ANO4: variants seen among roughly 807,000 people sequenced by gnomAD.
ANO4 encodes anoctamin-4.
A neutral mutation model predicts 141.9 loss-of-function variants in ANO4; 69 were observed. That is an observed-to-expected ratio of 0.49 (90% CI 0.40 to 0.59). The LOEUF (loss-of-function observed/expected upper bound fraction) is 0.59. Among genes scored for constraint, ANO4 ranks in the 20% least tolerant of loss-of-function variants. ANO4 has a pLI of 0.00. For synonymous variants in ANO4, 350 were observed against 394.3 expected (o/e 0.89, Z 1.33); for missense variants, 894 against 1,162.2 (o/e 0.77, Z 3.36).
rs375871643 is a variant in ANO4, at chr12:100,847,632, T to C, written c.-141+52605T>C. 2.4e-3 allele frequency among the ~76,000 whole-genome samples: 362 copies of C among 152,166 alleles called. 2 individuals are homozygous for C. Among genetic ancestry groups the C allele is most frequent in the East Asian group, 0.018 (91 of 5,156 alleles). On this transcript the variant is annotated intron_variant, in intron 1 of 27. Coordinates refer to ENST00000392977, the MANE Select transcript of ANO4 (RefSeq NM_001286615.2). ...GACTACAGGTGCCCACCACCACGCC[T>C]GGCTAATTTTTTGTATTTTTAGTAG...
At chr12:101,115,037 A>G (rs573144053) in intron 24 of ANO4, among the ~76,000 whole-genome samples, 16 of 152,280 alleles carry the variant, frequency 1.1e-4, no homozygotes, top group African/African-American at 3.4e-4. Context: ...TGTTCATGTC[A>G]TCATTTTGGT....
At chr12:101,110,321 A>G (rs1183289707) in intron 22 of ANO4, 83 bp from the exon 23 acceptor site, 1 of 1,389,954 alleles carries the variant, frequency 7.2e-7, no homozygotes, top group Non-Finnish European at 9.5e-7. Flanking sequence ...ACTTAAGACA[A>G]TAACATATTC....
At chr12:100,978,740 T>G (rs1267579078) in intron 7 of ANO4, among the ~76,000 whole-genome samples, 3 of 152,204 alleles carry the variant, frequency 2.0e-5, no homozygotes, top group Non-Finnish European at 4.4e-5. Flanking sequence ...AATTCAGAGT[T>G]GAGGAGAATG....
At chr12:101,054,553 G>A (rs1365759683) in intron 14 of ANO4, among the ~76,000 whole-genome samples, 1 of 152,206 alleles carries the variant, frequency 6.6e-6, no homozygotes, top group Non-Finnish European at 1.5e-5. Context: ...AGGCTGGAGT[G>A]CAGTGGCACA....
At chr12:100,850,149 T>C (rs2037792054) in intron 1 of ANO4, among the ~76,000 whole-genome samples, 1 of 152,246 alleles carries the variant, frequency 6.6e-6, no homozygotes, top group Non-Finnish European at 1.5e-5. Context: ...AATAAAATAA[T>C]AAAATGTAAA....
intron 3 of ANO4, among the ~76,000 whole-genome samples, chr12:100,779,690 A>G (rs971981219): frequency 6.6e-6 from 1 of 152,126 alleles, no homozygotes; most frequent in African/African-American, 2.4e-5. Flanking sequence ...CTCCCCAAAC[A>G]TGCTAGCCTT....
chr12:101,033,434 A>C (rs980715715), intron 9 of ANO4, among the ~76,000 whole-genome samples: 4 of 151,944 alleles, frequency 2.6e-5, no homozygotes, highest in Admixed American at 2.0e-4. Context: ...GACCTGCACA[A>C]TGTGCACATG....
Position 101,124,222 on chromosome 12 carries a change from T to C in ANO4, c.2677-2657T>C, listed in dbSNP as rs567395069. ...TTTGCAGTTCTTTAATTATCAATAA[T>C]GTTGAGCTTTTTTTCATATGTTTGT... On this transcript the variant is annotated intron_variant, in intron 26 of 27. Transcript: ENST00000392977. 4.6e-4 allele frequency among the ~76,000 whole-genome samples: 70 copies of C among 152,336 alleles called. 1 individual carries two copies. The highest frequency in any genetic ancestry group is 3.4e-3 in the Middle Eastern group (1 of 294).
At chr12:100,746,686 A>G (rs1463710330) in intron 3 of ANO4, among the ~76,000 whole-genome samples, 1 of 152,116 alleles carries the variant, frequency 6.6e-6, no homozygotes, top group Admixed American at 6.5e-5. Context: ...CTACATGCAC[A>G]AGACGTGGTC....
intron 9 of ANO4, among the ~76,000 whole-genome samples, chr12:101,031,148 G>A (rs2046958692): frequency 6.6e-6 from 1 of 152,118 alleles, no homozygotes; most frequent in South Asian, 2.1e-4. Context: ...AGAATTTCAG[G>A]CCAATATTCC....
chr12:100,914,544 G>A (rs1393443), intron 2 of ANO4, among the ~76,000 whole-genome samples: 17,292 of 152,098 alleles, frequency 0.11, 1,277 homozygotes, highest in East Asian at 0.41. Context: ...TTTTTTGCAC[G>A]TATGAAGCAT....
intron 5 of ANO4, among the ~76,000 whole-genome samples, chr12:100,954,890 T>C (rs2043119855): frequency 2.0e-5 from 3 of 152,166 alleles, no homozygotes; most frequent in South Asian, 4.1e-4. Flanking sequence ...CAATATTTAA[T>C]TGGATAGTCA....
chr12:100,795,441 C>G (rs533899698), intron 1 of ANO4, among the ~76,000 whole-genome samples: 2 of 152,296 alleles, frequency 1.3e-5, no homozygotes, highest in South Asian at 4.1e-4. Context: ...GCAAACTCTT[C>G]CATCTTTGTG....
chr12:101,116,733 T>C lies in ANO4; in HGVS notation c.2505T>C (p.Phe835=), dbSNP rs764749444. Residue 835 remains phenylalanine, a synonymous_variant, in exon 25 of 28, where the codon TTT becomes TTC. Transcript: ENST00000392977. Reference sequence around the variant, plus strand: ...TGTCTGTATTTCGAATTTCTGACTTTGAGAACCGATCTGAGCCTGAATCTG... The same window carrying C: ...TGTCTGTATTTCGAATTTCTGACTTCGAGAACCGATCTGAGCCTGAATCTG... ...ASLSVFRISD[F]ENRSEPESDG... is the part of the protein sequence containing the mutation. 3.1e-6 allele frequency: 5 copies of C among 1,613,968 alleles called. No individual in the cohort carries two copies. Among genetic ancestry groups the C allele is most frequent in the Non-Finnish European group, 4.2e-6 (5 of 1,180,024 alleles).
At chr12:101,107,596 A>G (rs962070407) in intron 22 of ANO4, among the ~76,000 whole-genome samples, 1 of 152,194 alleles carries the variant, frequency 6.6e-6, no homozygotes, top group African/African-American at 2.4e-5. Context: ...TAGTGTGGCC[A>G]GAGTAGAGGA....
chr12:100,920,979 A>G (rs938518808), intron 2 of ANO4, among the ~76,000 whole-genome samples: 5 of 152,150 alleles, frequency 3.3e-5, no homozygotes, highest in Non-Finnish European at 7.4e-5. Context: ...ACAAAGGAGG[A>G]AACTAAAATT....
At position 101,005,344 on chromosome 12, in the gene ANO4, CAAAT is replaced by C. The variant is rs2045827145; in HGVS notation, c.735-14686_735-14683del. Reference sequence around the variant, plus strand: ...TTTATTCTGGCTCACTTTTGAATAGCAAATAAAACTAATCTCTAATAAATTTGAA... The same window carrying C: ...TTTATTCTGGCTCACTTTTGAATAGCAAAACTAATCTCTAATAAATTTGAA... On this transcript the variant is annotated intron_variant, in intron 8 of 27. Coordinates refer to ENST00000392977, the MANE Select transcript of ANO4 (RefSeq NM_001286615.2). 1.3e-5 allele frequency among the ~76,000 whole-genome samples: 2 copies of C among 152,120 alleles called. 1 individual carries two copies. Among genetic ancestry groups the C allele is most frequent in the African/African-American group, 4.8e-5 (2 of 41,420 alleles).
intron 3 of ANO4, among the ~76,000 whole-genome samples, chr12:100,741,512 G>A (rs2031864680): frequency 6.6e-6 from 1 of 152,114 alleles, no homozygotes; most frequent in Non-Finnish European, 1.5e-5. Context: ...TCCTTCCTGG[G>A]ATTTTGATTC....
intron 3 of ANO4, among the ~76,000 whole-genome samples, chr12:100,932,898 C>T (rs1443539677): frequency 6.6e-6 from 1 of 152,040 alleles, no homozygotes; most frequent in Non-Finnish European, 1.5e-5. Context: ...TGTTTTGTTC[C>T]CAAGTCATTT....
Sources: gnomAD v4.1 joint callset for allele counts (sites outside exome capture counted in the v4.1 genomes callset) on GRCh38, gnomAD v4.1.1 for gene constraint, MANE v1.5 for transcripts, NCBI Gene and HGNC (gene_info 2026-07-23, HGNC 2026-07-21) for gene names.